The following RIPPLY2 variants were observed in gnomAD, a reference collection of about 807,000 sequenced individuals.
The protein encoded by RIPPLY2 is protein ripply2.
Under a neutral mutation model 17.7 loss-of-function variants are expected in RIPPLY2, and 20 were observed. The ratio of observed to expected loss-of-function variants is 1.13; its 90% CI spans 0.79 to 1.64. RIPPLY2 has a LOEUF of 1.64. Among genes scored for constraint, RIPPLY2 ranks in the 40% most tolerant of loss-of-function variants. The pLI is 0.00. For missense variants in RIPPLY2, 213 were observed against 169.8 expected (o/e 1.25, Z -1.41); for synonymous variants, 69 against 63.9 (o/e 1.08, Z -0.38).
At chr6:83,857,146 A>T in intron 3 of RIPPLY2, 96 bp from the exon 4 acceptor site, 3 of 758,258 alleles carry the variant, frequency 4.0e-6, no homozygotes, top group Middle Eastern at 4.3e-4. Context: ...TGTATAAGTC[A>T]ATTGTTAAAT....
chr6:83,853,354 T>C, upstream of RIPPLY2: 1 of 1,388,160 alleles, frequency 7.2e-7, no homozygotes, highest in Non-Finnish European at 9.8e-7. Flanking sequence ...GTCTCGGACC[T>C]ACTGGAACTG....
chr6:83,853,773 G>A lies in RIPPLY2; in HGVS notation c.174G>A (p.Ala58=). 1.2e-6 allele frequency: 2 copies of A among 1,611,938 alleles called. No individual in the cohort carries two copies. The highest frequency in any genetic ancestry group is 1.7e-6 in the Non-Finnish European group (2 of 1,179,386). ...AGACGCCGAACCACGCCGCGGAGGC[G>A]GTGAGTGAGCCACGCGTCTCAGGCC... ...EEETPNHAAE[A]MPDGPGMTAA... Residue 58 remains alanine, a splice_region_variant and synonymous_variant, in exon 2 of 4, where the codon GCG becomes GCA. Transcript: ENST00000369689.
upstream of RIPPLY2, chr6:83,853,318 G>C: frequency 2.2e-6 from 2 of 922,670 alleles, no homozygotes; most frequent in Middle Eastern, 3.2e-4. Flanking sequence ...ATGTGCAGCA[G>C]GCCGCGAGGG....
chr6:83,853,394 C>A lies in RIPPLY2; in HGVS notation c.-23C>A, dbSNP rs1411522844. The A allele has an allele frequency of 5.9e-6, 9 of 1,537,278 alleles. No homozygotes were observed. The East Asian group carries it at 2.2e-4, about 38-fold the overall frequency. ...AGATTGCCCGCGAGCTGGCAGCGGC[C>A]TTCCGCCCAGCTCTGCGGCGTCATG... On this transcript the variant is annotated 5_prime_UTR_variant, in exon 1 of 4. Transcript: ENST00000369689.
intron 3 of RIPPLY2, chr6:83,854,736 C>T (rs1434067216): frequency 6.5e-6 from 1 of 153,374 alleles, no homozygotes; most frequent in Non-Finnish European, 1.5e-5. Context: ...CACTTTTATT[C>T]AGGTGAAATG....
chr6:83,854,440 T>C, intron 3 of RIPPLY2: 1 of 488,660 alleles, frequency 2.0e-6, no homozygotes, highest in East Asian at 3.3e-5. Context: ...GGTGACATCT[T>C]GTGCTGGCAA....
rs746709371 is a variant in RIPPLY2 at position 83,854,098 on chromosome 6, T to C, written c.176T>C (p.Met59Thr). ...EETPNHAAEAMPDGPGMTAAS... is the reference protein window; with the variant it reads ...EETPNHAAEATPDGPGMTAAS... Reference sequence around the variant, plus strand: ...GGATTCACTTCCTTTCCTCTCCAGATGCCCGATGGCCCTGGAATGACCGCA... The same window carrying C: ...GGATTCACTTCCTTTCCTCTCCAGACGCCCGATGGCCCTGGAATGACCGCA... The change falls in exon 3 of 4, where the codon ATG (methionine) becomes ACG (threonine). Residue 59 changes from methionine to threonine, a missense_variant and splice_region_variant. Transcript: ENST00000369689. The C allele has an allele frequency of 9.3e-5, 150 of 1,613,800 alleles. No individual in the cohort carries two copies. Among genetic ancestry groups the C allele is most frequent in the Non-Finnish European group, 1.2e-4 (137 of 1,179,838 alleles).
chr6:83,853,552 C>T (rs768011974), intron 1 of RIPPLY2, 41 bp downstream of exon 1: 3 of 1,536,182 alleles, frequency 2.0e-6, no homozygotes, highest in South Asian at 1.2e-5. Flanking sequence ...CAGCTTCCCC[C>T]GTCTCTCCCT....
intron 2 of RIPPLY2, 127 bp from the exon 3 acceptor site, chr6:83,853,970 C>T (rs2099454605): frequency 3.7e-6 from 4 of 1,084,870 alleles, no homozygotes; most frequent in South Asian, 1.4e-5. Flanking sequence ...GGCACCCAGC[C>T]GGGAGCGAGG....
At chr6:83,855,987 T>C (rs2099454928) in intron 3 of RIPPLY2, 1 of 152,224 alleles carries the variant, frequency 6.6e-6, no homozygotes, top group Admixed American at 6.5e-5. Flanking sequence ...GTTTGCCAGT[T>C]CCAGTTACGC....
At position 83,853,562 on chromosome 6, in the gene RIPPLY2, T is replaced by G. The variant is rs2298291; in HGVS notation, c.95+51T>G. The G allele has an allele frequency of 0.11, 173,139 of 1,532,458 alleles. 19,565 individuals are homozygous for G. The highest frequency in any genetic ancestry group is 0.57 in the African/African-American group (40,724 of 72,012). The allele number at this position is 1,532,458 out of a possible 1,614,324, so 94.9% of individuals were successfully genotyped here. ...CCTCCCAGCTTCCCCCGTCTCTCCC[T>G]CCTGCGCCTCCCCAGCTCCTCCCCT... On this transcript the variant is annotated intron_variant, in intron 1 of 3. Transcript: ENST00000369689.
rs1015424078 is a variant in RIPPLY2 at position 83,853,910 on chromosome 6, C to T, written c.174+137C>T. 66 of 1,013,532 alleles carry T rather than the reference C, an allele frequency of 6.5e-5. No individual in the cohort carries two copies. In the East Asian group the frequency reaches 1.5e-3, roughly 23 times the overall value. 62.8% of individuals were successfully genotyped at this position (1,013,532 alleles called of 1,614,324 possible). On this transcript the variant is annotated intron_variant, in intron 2 of 3. Transcript: ENST00000369689. ...CGCTTAACATCCCGCCTGCCGGTGG[C>T]CATAAAGGTGCCGACGCGGCGGATG...
intron 1 of RIPPLY2, 58 bp downstream of exon 1, chr6:83,853,569 C>G: frequency 2.0e-6 from 3 of 1,533,368 alleles, no homozygotes; most frequent in Non-Finnish European, 2.6e-6. Context: ...CCCTCCTGCG[C>G]CTCCCCAGCT....
intron 3 of RIPPLY2, chr6:83,855,273 C>T (rs1160825050): frequency 6.6e-5 from 10 of 152,036 alleles, no homozygotes; most frequent in African/African-American, 2.4e-4. Flanking sequence ...GGGCTTTATT[C>T]CGAAGGTAGT....
upstream of RIPPLY2, chr6:83,853,295 A>C: frequency 1.4e-6 from 1 of 715,574 alleles, no homozygotes; most frequent in Non-Finnish European, 2.2e-6. Context: ...GCGGAGAGGC[A>C]GCGAACCTCT....
chr6:83,857,094 T>G, intron 3 of RIPPLY2, 148 bp from the exon 4 acceptor site: 1 of 441,514 alleles, frequency 2.3e-6, no homozygotes, highest in Non-Finnish European at 4.1e-6. Flanking sequence ...AAGGCTGTGA[T>G]AGTAGCATAT....
At chr6:83,854,432 T>C in intron 3 of RIPPLY2, 1 of 508,816 alleles carries the variant, frequency 2.0e-6, no homozygotes, top group Non-Finnish European at 3.5e-6. Context: ...AAGAGAGCGG[T>C]GACATCTTGT....
intron 3 of RIPPLY2, chr6:83,855,327 G>A (rs2099454834): frequency 6.6e-6 from 1 of 152,214 alleles, no homozygotes. Context: ...GGCATCAAAA[G>A]TAAAACTGGA....
intron 3 of RIPPLY2, chr6:83,856,533 A>AT (rs2099455020): frequency 6.6e-6 from 1 of 151,916 alleles, no homozygotes; most frequent in South Asian, 2.1e-4. Flanking sequence ...CTGAGGTAAT[A>AT]ATACTTACAT....
Sources: allele counts gnomAD v4.1 joint callset, GRCh38; gene constraint gnomAD v4.1.1; transcripts MANE v1.5; gene names NCBI Gene and HGNC (gene_info 2026-07-23, HGNC 2026-07-21).